Variants in MGA observed in about 807,000 individuals in gnomAD.
The protein encoded by MGA is MAX gene-associated protein.
Under a neutral mutation model 261.1 loss-of-function variants are expected in MGA, and 40 were observed. The ratio of observed to expected loss-of-function variants is 0.15; its 90% CI spans 0.12 to 0.20. MGA has a LOEUF of 0.20. Ranked by LOEUF, MGA falls within the 10% of genes least tolerant of loss-of-function variation. MGA has a pLI of 1.00. For missense variants in MGA, 3,397 were observed against 3,630.5 expected (o/e 0.94, Z 1.65); for synonymous variants, 1,302 against 1,290.6 (o/e 1.01, Z -0.19).
Position 41,729,151 on chromosome 15 carries a change from A to G in MGA, c.3658-13A>G, listed in dbSNP as rs769232917. ...CCCACTGTATGGAATATTTTGTTGT[A>G]TGAAATTTACAGATTCGGGAAGAGG... On this transcript the variant is annotated splice_polypyrimidine_tract_variant and intron_variant, in intron 10 of 23. Transcript: ENST00000219905. 15 of 1,611,064 alleles carry G rather than the reference A, an allele frequency of 9.3e-6. 1 individual carries two copies. The South Asian group carries it at 1.4e-4, about 15-fold the overall frequency.
chr15:41,660,561 T>A (rs1250158623), intron 1 of MGA, 36 bp downstream of exon 1: 1 of 152,690 alleles, frequency 6.5e-6, no homozygotes, highest in Non-Finnish European at 1.5e-5. Flanking sequence ...CATCGCTTAG[T>A]ACTGGCCCGA....
Position 41,750,204 on chromosome 15 carries a change from G to A in MGA, c.6597G>A (p.Glu2199=). 1.2e-6 allele frequency: 2 copies of A among 1,613,924 alleles called. No homozygotes were observed. Among genetic ancestry groups the A allele is most frequent in the South Asian group, 2.2e-5 (2 of 91,086 alleles). Reference sequence around the variant, plus strand: ...AGGAATGTAAGAAAGAGGCAGACGAGCAGTTAATTAAAGAAACAAAGACAT... The same window carrying A: ...AGGAATGTAAGAAAGAGGCAGACGAACAGTTAATTAAAGAAACAAAGACAT... Residue 2199 remains glutamate (E), a synonymous_variant, in exon 17 of 24, where the codon GAG becomes GAA. Coordinates refer to ENST00000219905, the MANE Select transcript of MGA (RefSeq NM_001164273.2).
chr15:41,643,387 C>T (rs563293830), intron 1 of MGA, among the ~76,000 whole-genome samples: 8 of 151,244 alleles, frequency 5.3e-5, no homozygotes, highest in East Asian at 2.0e-4. Flanking sequence ...ACTATAGGCA[C>T]GTGCCACCAT....
Position 41,669,946 on chromosome 15 carries a change from A to T in MGA, c.1052A>T (p.Glu351Val). ...AGTGAAGTTCCTCAATTGAAGCAAG[A>T]GATTTCTGAATGGTAAGTAGTAGTT... Residue 351 changes from glutamate to valine, a missense_variant, in exon 2 of 24, where the codon GAG becomes GTG. Physicochemically the swap from Glu to Val is moderately radical, Grantham distance 121 (BLOSUM62 -2). Around this residue, in one of 9 missense-constraint regions of MGA, gnomAD observed 563 missense variants for 563.6 expected, o/e 1.00. Coordinates refer to ENST00000219905, the MANE Select transcript of MGA (RefSeq NM_001164273.2). 9.3e-6 allele frequency: 15 copies of T among 1,611,326 alleles called. No individual in the cohort carries two copies. The highest frequency in any genetic ancestry group is 1.3e-5 in the Non-Finnish European group (15 of 1,178,020).
chr15:41,726,827 G>A (rs2061278614), intron 9 of MGA, among the ~76,000 whole-genome samples: 1 of 151,688 alleles, frequency 6.6e-6, no homozygotes, highest in Admixed American at 6.6e-5. Context: ...TTACCTTGCT[G>A]TGTTTTTCTA....
rs77300017 is a variant in MGA, at chr15:41,748,786, G to A, written c.5362G>A (p.Val1788Ile). The A allele has an allele frequency of 1.2e-5, 20 of 1,613,922 alleles. No individual in the cohort carries two copies. In the African/African-American group the frequency reaches 2.1e-4, roughly 17 times the overall value. The stretch of plus-strand genomic sequence containing the variant: ...CACACAACTTCAGGGACATCGGATG[G>A]TCTTGCAGCCTGTTAGGAGTCCAAG... Residue 1788 changes from valine (V) to isoleucine (I), a missense_variant, in exon 16 of 24, where the codon GTC becomes ATC. Physicochemically the swap from Val to Ile is conservative, Grantham distance 29. Coordinates refer to ENST00000219905, the MANE Select transcript of MGA (RefSeq NM_001164273.2).
chr15:41,647,081 T>G (rs1183521015), intron 1 of MGA, among the ~76,000 whole-genome samples: 1 of 152,240 alleles, frequency 6.6e-6, no homozygotes, highest in Non-Finnish European at 1.5e-5. Flanking sequence ...AGCTTGGCTC[T>G]CTTTTCTCAT....
chr15:41,630,370 G>A (rs1161638452), intron 1 of MGA, among the ~76,000 whole-genome samples: 1 of 152,074 alleles, frequency 6.6e-6, no homozygotes, highest in Admixed American at 6.6e-5. Flanking sequence ...TGGCATTTTG[G>A]CTTTTAAAAA....
At chr15:41,687,143 A>G (rs2059012858) in intron 2 of MGA, among the ~76,000 whole-genome samples, 1 of 150,762 alleles carries the variant, frequency 6.6e-6, no homozygotes, top group Admixed American at 6.6e-5. Context: ...TATTTCATTG[A>G]TTTTTCTCTC....
intron 1 of MGA, among the ~76,000 whole-genome samples, chr15:41,634,906 A>G (rs2056668272): frequency 6.6e-6 from 1 of 152,146 alleles, no homozygotes; most frequent in African/African-American, 2.4e-5. Flanking sequence ...GGAGAGTGTT[A>G]ATGAAAAAAT....
chr15:41,678,636 G>A (rs1343231139), intron 2 of MGA, among the ~76,000 whole-genome samples: 2 of 151,354 alleles, frequency 1.3e-5, no homozygotes, highest in African/African-American at 2.4e-5. Flanking sequence ...GCATGGTGGC[G>A]CACACCTGTA....
intron 2 of MGA, among the ~76,000 whole-genome samples, chr15:41,682,034 C>T (rs1310097824): frequency 6.6e-6 from 1 of 152,082 alleles, no homozygotes; most frequent in Non-Finnish European, 1.5e-5. Context: ...TCTCTTGCCT[C>T]AGCCTCCGGA....
intron 1 of MGA, among the ~76,000 whole-genome samples, chr15:41,636,348 A>G (rs2056705411): frequency 6.6e-6 from 1 of 151,936 alleles, no homozygotes; most frequent in Non-Finnish European, 1.5e-5. Context: ...GCTGGAGTGC[A>G]GTGGCACAGT....
Position 41,748,524 on chromosome 15 carries a change from C to T in MGA, c.5213-113C>T. 4.0e-6 allele frequency: 5 copies of T among 1,248,900 alleles called. No individual in the cohort carries two copies. In the South Asian group the frequency reaches 7.7e-5, roughly 19 times the overall value. 77.4% of individuals were successfully genotyped at this position (1,248,900 alleles called of 1,614,324 possible). A position where few individuals can be genotyped will look rare whatever the true frequency, so the allele number is the denominator to read the frequency against. ...TCAGTCGAGGTTGTGTCATTGCACT[C>T]CAGCCTGAGCAACAAAGCAAGACTG... On this transcript the variant is annotated intron_variant, in intron 15 of 23. Coordinates refer to ENST00000219905, the MANE Select transcript of MGA (RefSeq NM_001164273.2).
chr15:41,686,453 T>C (rs1189317373), intron 2 of MGA, among the ~76,000 whole-genome samples: 4 of 152,060 alleles, frequency 2.6e-5, no homozygotes, highest in Non-Finnish European at 4.4e-5. Flanking sequence ...ATTGCTTGAG[T>C]TGAGCCTGGG....
At chr15:41,732,241 C>T (rs2061548092) in intron 11 of MGA, among the ~76,000 whole-genome samples, 1 of 151,690 alleles carries the variant, frequency 6.6e-6, no homozygotes, top group Non-Finnish European at 1.5e-5. Context: ...CTTCGCTTTC[C>T]AGTTCACGCC....
At chr15:41,708,848 C>G (rs1023455191) in intron 7 of MGA, among the ~76,000 whole-genome samples, 3 of 152,204 alleles carry the variant, frequency 2.0e-5, no homozygotes, top group African/African-American at 7.2e-5. Flanking sequence ...TCTTATACTT[C>G]AAACTAAACT....
At chr15:41,668,041 T>G (rs140454860) in intron 1 of MGA, among the ~76,000 whole-genome samples, 92 of 152,140 alleles carry the variant, frequency 6.0e-4, no homozygotes, top group African/African-American at 2.0e-3. Flanking sequence ...TGGCTTTAAA[T>G]GATCCACTGG....
At chr15:41,760,594 A>C in intron 20 of MGA, 65 bp downstream of exon 20, 1 of 1,515,482 alleles carries the variant, frequency 6.6e-7, no homozygotes, top group South Asian at 1.1e-5. Context: ...GATATGAGAA[A>C]GATAATCCAC....
Sources: gnomAD v4.1 joint callset for allele counts (sites outside exome capture counted in the v4.1 genomes callset) on GRCh38, gnomAD v4.1.1 for gene constraint, gnomAD v4.1.1 regional missense constraint, MANE v1.5 for transcripts, NCBI Gene and HGNC (gene_info 2026-07-23, HGNC 2026-07-21) for gene names.